Variants in NR6A1 observed in about 807,000 individuals in gnomAD.
NR6A1 encodes the protein nuclear receptor subfamily 6 group A member 1.
Under a neutral mutation model 59.1 loss-of-function variants are expected in NR6A1, and 7 were observed. The ratio of observed to expected loss-of-function variants is 0.12; its 90% CI spans 0.07 to 0.22. NR6A1 has a LOEUF of 0.22. NR6A1 is among the 10% of genes least tolerant of loss of function. The pLI, the probability that NR6A1 is intolerant of heterozygous loss-of-function variation, is 1.00. For synonymous variants in NR6A1, 243 were observed against 236.1 expected, an observed-to-expected ratio of 1.03 and a Z score of -0.27; for missense variants, 468 against 611.6, an observed-to-expected ratio of 0.77 and a Z score of 2.48.
chr9:124,595,570 C>G (rs1181898009), intron 2 of NR6A1, among the ~76,000 whole-genome samples: 1 of 152,124 alleles, frequency 6.6e-6, no homozygotes, highest in East Asian at 1.9e-4. Flanking sequence ...TCACTTTTCT[C>G]CATTCCAAAA....
At chr9:124,733,421 T>C (rs984149929) in intron 1 of NR6A1, 72 bp from the exon 2 acceptor site, 1 of 1,154,556 alleles carries the variant, frequency 8.7e-7, no homozygotes, top group Non-Finnish European at 1.3e-6. Flanking sequence ...ATATGAAGTA[T>C]CATACAGTTG....
intron 1 of NR6A1, among the ~76,000 whole-genome samples, chr9:124,754,126 C>T (rs1588856081): frequency 6.6e-6 from 1 of 152,150 alleles, no homozygotes. Context: ...CTAGAGCCCA[C>T]AGGGGAGAAA....
intron 2 of NR6A1, among the ~76,000 whole-genome samples, chr9:124,684,921 A>C (rs11793302): frequency 6.6e-6 from 1 of 151,962 alleles, no homozygotes; most frequent in Non-Finnish European, 1.5e-5. Context: ...AAGATGTTTG[A>C]CTCATCAGGC....
In NR6A1 at chr9:124,748,349, T is replaced by C. The variant is rs561384687; in HGVS notation, c.101-15000A>G. Among the ~76,000 whole-genome samples the C allele has an allele frequency of 6.6e-5, 10 of 152,244 alleles. No homozygotes were observed. In the South Asian group the frequency reaches 1.0e-3, roughly 16 times the overall value. ...GGTACAAATCATACAATGCTAACAC[T>C]TGAGGAACCCTTAAGGGGTTATCAA... On this transcript the variant is annotated intron_variant, in intron 1 of 9. Coordinates refer to ENST00000487099, the MANE Select transcript of NR6A1 (RefSeq NM_033334.4).
intron 1 of NR6A1, among the ~76,000 whole-genome samples, chr9:124,748,504 C>T (rs1840399337): frequency 6.6e-6 from 1 of 152,158 alleles, no homozygotes; most frequent in African/African-American, 2.4e-5. Flanking sequence ...TGTAGGATTC[C>T]TGTGATTTAA....
At chr9:124,536,502 T>C (rs1247946648) in intron 6 of NR6A1, among the ~76,000 whole-genome samples, 1 of 151,752 alleles carries the variant, frequency 6.6e-6, no homozygotes, top group African/African-American at 2.4e-5. Context: ...CTACTAAAAA[T>C]ACAAAAATTA....
chr9:124,565,071 T>C lies in NR6A1; in HGVS notation c.143-10501A>G, dbSNP rs115941927. Among the ~76,000 whole-genome samples the C allele has an allele frequency of 5.4e-3, 815 of 152,242 alleles. 8 individuals are homozygous for C. The highest frequency in any genetic ancestry group is 0.018 in the African/African-American group (764 of 41,528). ...CCCAAATATCAAAGGCAAAATAATA[T>C]ATCTCTCATTAGATAATAAAGGAGA... On this transcript the variant is annotated intron_variant, in intron 2 of 9. Transcript: ENST00000487099.
chr9:124,527,710 A>AT (rs1832979715), intron 7 of NR6A1, among the ~76,000 whole-genome samples: 2 of 152,150 alleles, frequency 1.3e-5, no homozygotes, highest in Non-Finnish European at 2.9e-5. Flanking sequence ...AAGGTGGTGT[A>AT]CCCTAGCAGA....
chr9:124,685,350 G>T (rs996316559), intron 2 of NR6A1, among the ~76,000 whole-genome samples: 5 of 152,172 alleles, frequency 3.3e-5, no homozygotes, highest in African/African-American at 1.2e-4. Flanking sequence ...GGGGAGACAG[G>T]GTCTCACTCC....
At chr9:124,667,232 C>T (rs1416415672) in intron 2 of NR6A1, among the ~76,000 whole-genome samples, 2 of 151,902 alleles carry the variant, frequency 1.3e-5, no homozygotes, top group African/African-American at 4.8e-5. Flanking sequence ...AGGGTTTCGC[C>T]ATCTTGGCCA....
intron 2 of NR6A1, among the ~76,000 whole-genome samples, chr9:124,681,793 T>C (rs778690257): frequency 3.3e-5 from 5 of 152,204 alleles, no homozygotes; most frequent in Admixed American, 6.5e-5. Context: ...TGTCAATATT[T>C]AGAAAATCCG....
chr9:124,738,083 G>A (rs1041987609), intron 1 of NR6A1, among the ~76,000 whole-genome samples: 1 of 151,714 alleles, frequency 6.6e-6, no homozygotes, highest in Non-Finnish European at 1.5e-5. Context: ...GTAAAACCCC[G>A]TTTCTACTAA....
intron 2 of NR6A1, among the ~76,000 whole-genome samples, chr9:124,576,299 T>C (rs1418819746): frequency 2.6e-5 from 4 of 152,034 alleles, no homozygotes; most frequent in Non-Finnish European, 5.9e-5. Context: ...TTGTTGTTTT[T>C]TGTTTCTGAG....
In NR6A1 at chr9:124,522,484, G is replaced by A. The variant is rs546651352; in HGVS notation, c.*221C>T. ...TGGCTGCATTCACACAAAAGCATGTGCATCATGTTGAAGGCCATACATTCA... is the reference window on the plus strand; with the variant it reads ...TGGCTGCATTCACACAAAAGCATGTACATCATGTTGAAGGCCATACATTCA... On this transcript the variant is annotated 3_prime_UTR_variant, in exon 10 of 10. Coordinates refer to ENST00000487099, the MANE Select transcript of NR6A1 (RefSeq NM_033334.4). 25 of 384,016 alleles carry A rather than the reference G, an allele frequency of 6.5e-5. No individual in the cohort carries two copies. In the East Asian group the frequency reaches 9.8e-4, roughly 15 times the overall value. 23.8% of individuals were successfully genotyped at this position (384,016 alleles called of 1,614,324 possible).
chr9:124,575,373 A>C (rs1406698358), intron 2 of NR6A1, among the ~76,000 whole-genome samples: 2 of 152,166 alleles, frequency 1.3e-5, no homozygotes, highest in East Asian at 1.9e-4. Flanking sequence ...CAGGAGTTCG[A>C]GACCAGCCTG....
At chr9:124,666,272 G>GTTTT (rs1588760705) in intron 2 of NR6A1, among the ~76,000 whole-genome samples, 2 of 127,822 alleles carry the variant, frequency 1.6e-5, no homozygotes, top group African/African-American at 7.8e-5. Flanking sequence ...CCTCTATGTG[G>GTTTT]TTCTTTTTTT....
chr9:124,726,083 T>A (rs919308553), intron 2 of NR6A1, among the ~76,000 whole-genome samples: 1 of 152,218 alleles, frequency 6.6e-6, no homozygotes, highest in African/African-American at 2.4e-5. Flanking sequence ...TTGGGTGATG[T>A]CAAAGGCATA....
chr9:124,710,943 T>C (rs1839261122), intron 2 of NR6A1, among the ~76,000 whole-genome samples: 1 of 152,164 alleles, frequency 6.6e-6, no homozygotes, highest in African/African-American at 2.4e-5. Context: ...GTTTGATTCA[T>C]GTGGTGTATA....
intron 7 of NR6A1, among the ~76,000 whole-genome samples, chr9:124,534,348 C>G (rs1326586062): frequency 6.6e-6 from 1 of 152,192 alleles, no homozygotes; most frequent in Admixed American, 6.5e-5. Flanking sequence ...GCTGGGATTA[C>G]AGGCATGAGC....
Sources: gnomAD v4.1 joint callset for allele counts (sites outside exome capture counted in the v4.1 genomes callset) on GRCh38, gnomAD v4.1.1 for gene constraint, MANE v1.5 for transcripts, NCBI Gene and HGNC (gene_info 2026-07-23, HGNC 2026-07-21) for gene names.